MGAM: variants seen among roughly 807,000 people sequenced by gnomAD.
MGAM encodes the protein alpha-1,4-glucosidase.
MGAM carries 253 observed loss-of-function variants against 358.8 expected under a neutral mutation model. The observed-to-expected ratio is 0.71, with a 90% CI of 0.64 to 0.78. MGAM has a LOEUF of 0.78. Among genes scored for constraint, MGAM ranks in the 30% least tolerant of loss-of-function variants. The pLI, the probability that MGAM is intolerant of heterozygous loss-of-function variation, is 0.00. For missense variants in MGAM, 3,080 were observed against 3,432.6 expected (o/e 0.90, Z 2.57); for synonymous variants, 1,105 against 1,227.1 (o/e 0.90, Z 2.08).
chr7:142,078,842 T>G lies in MGAM; in HGVS notation c.5681T>G (p.Phe1894Cys). 6.4e-7 allele frequency: 1 copy of G among 1,555,694 alleles called. No homozygotes were observed. The highest frequency in any genetic ancestry group is 1.1e-5 in the South Asian group (1 of 89,180). ...SNSSGVPFCY[F>C]VNDLYSVSDV... ...TCTTCTGGAGTCCCTTTTTGCTATTTTGTCAACGACCTATACTCTGTCAGT... is the reference window on the plus strand; with the variant it reads ...TCTTCTGGAGTCCCTTTTTGCTATTGTGTCAACGACCTATACTCTGTCAGT... Residue 1894 changes from phenylalanine (F) to cysteine (C), a missense_variant, in exon 49 of 71, where the codon TTT becomes TGT. Around this residue, in one of 5 missense-constraint regions of MGAM, gnomAD observed 932 missense variants for 1,198.2 expected, o/e 0.78. Coordinates refer to ENST00000475668, the MANE Select transcript of MGAM (RefSeq NM_001365693.1).
At chr7:142,054,405 G>A (rs1811291452) in intron 26 of MGAM, among the ~76,000 whole-genome samples, 1 of 151,068 alleles carries the variant, frequency 6.6e-6, no homozygotes, top group Non-Finnish European at 1.5e-5. Flanking sequence ...GGGGAGACAG[G>A]TTTTTTTTTG....
intron 3 of MGAM, among the ~76,000 whole-genome samples, chr7:142,017,395 G>C (rs901341411): frequency 2.6e-5 from 4 of 151,946 alleles, no homozygotes; most frequent in African/African-American, 9.7e-5. Flanking sequence ...AGTTTGCTTT[G>C]TCTTATTATG....
rs1554457436 is a variant in MGAM, at chr7:142,019,187, C to T, written c.328-12C>T. The T allele has an allele frequency of 6.2e-7, 1 of 1,610,770 alleles. No homozygotes were observed. On this transcript the variant is annotated splice_polypyrimidine_tract_variant and intron_variant, in intron 3 of 70. Coordinates refer to ENST00000475668, the MANE Select transcript of MGAM (RefSeq NM_001365693.1). The stretch of plus-strand genomic sequence containing the variant: ...ACTAAATGGAGCTTCTTTGACTAAC[C>T]TCTTGTTTCAGGCCACATGTGACCA...
intron 1 of MGAM, among the ~76,000 whole-genome samples, chr7:142,001,839 A>G (rs1490458806): frequency 6.6e-6 from 1 of 152,186 alleles, no homozygotes; most frequent in African/African-American, 2.4e-5. Context: ...CCCAGGACCC[A>G]TTACCTGTCT....
intron 40 of MGAM, among the ~76,000 whole-genome samples, chr7:142,066,233 TA>T (rs1477983518): frequency 1.4e-5 from 2 of 146,340 alleles, no homozygotes; most frequent in African/African-American, 4.9e-5. Context: ...GTGCTGGGAT[TA>T]CAGGCGTGAG....
rs1409580894 is a variant in MGAM, at chr7:142,086,709, C to T, written c.6802C>T (p.Gln2268Ter). 6 of 1,112,306 alleles carry T rather than the reference C, an allele frequency of 5.4e-6. 1 individual carries two copies. 68.9% of individuals were successfully genotyped at this position (1,112,306 alleles called of 1,614,324 possible). Residue 2268 changes from glutamine (Q) to a stop codon, truncating the protein, a stop_gained, in exon 57 of 71, where the codon CAA (glutamine) becomes TAA (stop). Coordinates refer to ENST00000475668, the MANE Select transcript of MGAM (RefSeq NM_001365693.1). LOFTEE classifies it high-confidence loss of function. ...GAATGGGTCTCTAGACTGGGACAGT[C>T]AAGTGGAGGTAAAGGGTCTTTGTAA... Reference protein sequence around the residue: ...VVNGSLDWDSQVELYRAYVAF... With the variant: ...VVNGSLDWDS
At position 142,031,220 on chromosome 7, in the gene MGAM, G is replaced by A. The variant is rs150685950; in HGVS notation, c.1471-460G>A. ...TGTTTGTCCTTGTTTTTTCAGGAAGGTGTTATCTGCTTGTTCACTTCTAAG... is the reference window on the plus strand; with the variant it reads ...TGTTTGTCCTTGTTTTTTCAGGAAGATGTTATCTGCTTGTTCACTTCTAAG... On this transcript the variant is annotated intron_variant, in intron 12 of 70. Coordinates refer to ENST00000475668, the MANE Select transcript of MGAM (RefSeq NM_001365693.1). Among the ~76,000 whole-genome samples, 26 of 152,268 alleles carry A rather than the reference G, an allele frequency of 1.7e-4. No homozygotes were observed. The East Asian group carries it at 4.4e-3, about 26-fold the overall frequency.
intron 24 of MGAM, 97 bp from the exon 25 acceptor site, chr7:142,052,197 C>T: frequency 2.8e-6 from 3 of 1,062,900 alleles, no homozygotes; most frequent in Non-Finnish European, 2.6e-6. Context: ...AAAGTCTGGT[C>T]TAATTTCTAT....
chr7:142,008,628 A>G lies in MGAM; in HGVS notation c.250A>G (p.Thr84Ala), dbSNP rs1805353538. Reference protein sequence around the residue: ...GPPDPGTTGTTPVSAECPVVN... With the variant: ...GPPDPGTTGTAPVSAECPVVN... ...CCCAGATCCTGGAACAACTGGTACC[A>G]CTCCTGTTTCTGCTGAATGTCCAGT... Residue 84 changes from threonine to alanine, a missense_variant, in exon 3 of 71, where the codon ACT becomes GCT. By Grantham distance (58) the Thr-to-Ala change is moderately conservative. Around this residue, in one of 5 missense-constraint regions of MGAM, gnomAD observed 1,816 missense variants for 1,840.5 expected, o/e 0.99. Coordinates refer to ENST00000475668, the MANE Select transcript of MGAM (RefSeq NM_001365693.1). 1 of 1,613,282 alleles carries G rather than the reference A, an allele frequency of 6.2e-7. No homozygotes were observed. The highest frequency in any genetic ancestry group is 1.7e-5 in the Admixed American group (1 of 59,882).
chr7:142,007,919 C>T (rs1755325184), intron 2 of MGAM, among the ~76,000 whole-genome samples: 2 of 152,138 alleles, frequency 1.3e-5, no homozygotes, highest in Admixed American at 1.3e-4. Context: ...TTGTACTGCA[C>T]ATGTTCTGTG....
chr7:142,037,267 T>A (rs1808077859), intron 18 of MGAM, among the ~76,000 whole-genome samples: 1 of 152,186 alleles, frequency 6.6e-6, no homozygotes, highest in Non-Finnish European at 1.5e-5. Flanking sequence ...TAACTCTGTA[T>A]CTTAGACAAA....
intron 20 of MGAM, 35 bp from the exon 21 acceptor site, chr7:142,040,687 C>T (rs897932540): frequency 1.2e-6 from 2 of 1,608,914 alleles, no homozygotes; most frequent in African/African-American, 2.7e-5. Context: ...AATATGCTGT[C>T]ATGCCAATGT....
chr7:142,060,189 T>A lies in MGAM; in HGVS notation c.4060-122T>A, dbSNP rs1811995719. ...GGAGTTCACTTTTCTTTTATGTCAA[T>A]CCTATGTGATAGTCAAAGTATTATT... On this transcript the variant is annotated intron_variant, in intron 33 of 70. Transcript: ENST00000475668. 4 of 1,408,150 alleles carry A rather than the reference T, an allele frequency of 2.8e-6. 1 individual carries two copies. The highest frequency in any genetic ancestry group is 2.4e-5 in the South Asian group (2 of 82,386). The allele number at this position is 1,408,150 out of a possible 1,614,324, so 87.2% of individuals were successfully genotyped here.
rs1451025432 is a variant in MGAM at position 142,076,230 on chromosome 7, T to C, written c.5303T>C (p.Leu1768Ser). The change falls in exon 46 of 71, where the codon TTA (leucine) becomes TCA (serine). Residue 1768 changes from leucine (L) to serine (S), a missense_variant. Leu to Ser is a moderately radical substitution (Grantham distance 145, BLOSUM62 -2). Transcript: ENST00000475668. ...KDTVAKKVYLLCEFSVTQNHL... is the reference protein window; with the variant it reads ...KDTVAKKVYLSCEFSVTQNHL... ...ACTGTGGCCAAGAAAGTATATCTTTTATGTGAGTTTTCTGTCACTCAAGTG... is the reference window on the plus strand; with the variant it reads ...ACTGTGGCCAAGAAAGTATATCTTTCATGTGAGTTTTCTGTCACTCAAGTG... 1 of 1,547,234 alleles carries C rather than the reference T, an allele frequency of 6.5e-7. No individual in the cohort carries two copies. Among genetic ancestry groups the C allele is most frequent in the South Asian group, 1.1e-5 (1 of 89,098 alleles).
At chr7:141,998,907 CTTA>C (rs1804505714) in intron 1 of MGAM, among the ~76,000 whole-genome samples, 2 of 152,094 alleles carry the variant, frequency 1.3e-5, no homozygotes, top group African/African-American at 4.8e-5. Flanking sequence ...AGTAATAATT[CTTA>C]TATTTCAGTA....
intron 3 of MGAM, 124 bp downstream of exon 3, chr7:142,008,829 A>G (rs1422815183): frequency 1.0e-5 from 10 of 994,174 alleles, no homozygotes; most frequent in South Asian, 1.7e-5. Flanking sequence ...TGTTGCAGCC[A>G]TTAGTGGCTC....
At chr7:141,998,668 T>G (rs897943658) in intron 1 of MGAM, among the ~76,000 whole-genome samples, 1 of 152,218 alleles carries the variant, frequency 6.6e-6, no homozygotes, top group East Asian at 1.9e-4. Flanking sequence ...GATGGGCATT[T>G]GGGTTGGTTC....
chr7:141,988,328 G>A (rs1554446621), intron 2 of MGAM, among the ~76,000 whole-genome samples: 1 of 151,148 alleles, frequency 6.6e-6, no homozygotes, highest in Non-Finnish European at 1.5e-5. Context: ...AAGGTACTCT[G>A]AAAACTGCAA....
chr7:142,022,839 C>T (rs938749010), intron 7 of MGAM, among the ~76,000 whole-genome samples: 8 of 152,172 alleles, frequency 5.3e-5, no homozygotes, highest in African/African-American at 1.9e-4. Flanking sequence ...TTAGGTTCAC[C>T]TTTAATCACT....
Sources: allele counts gnomAD v4.1 joint callset (sites outside exome capture counted in the v4.1 genomes callset), GRCh38; gene constraint gnomAD v4.1.1; regional missense constraint gnomAD v4.1.1; transcripts MANE v1.5; gene names NCBI Gene and HGNC (gene_info 2026-07-23, HGNC 2026-07-21).